Variants in COLGALT2 observed in about 807,000 individuals in gnomAD.
COLGALT2 encodes collagen beta(1-O)galactosyltransferase 2.
In COLGALT2, 49 loss-of-function variants were observed where a neutral mutation model predicts 73.4. The ratio of observed to expected loss-of-function variants is 0.67; its 90% CI spans 0.53 to 0.85. The LOEUF is 0.85. COLGALT2 is among the 40% of genes least tolerant of loss of function. COLGALT2 has a pLI of 0.00. For missense variants in COLGALT2, 722 were observed against 790.2 expected, an observed-to-expected ratio of 0.91 and a Z score of 1.03; for synonymous variants, 295 against 307.6, an observed-to-expected ratio of 0.96 and a Z score of 0.43.
In COLGALT2 at chr1:183,936,751, G is replaced by A; in HGVS notation, c.*2010C>T. On this transcript the variant is annotated 3_prime_UTR_variant, in exon 12 of 12. Transcript: ENST00000361927. Reference sequence around the variant, plus strand: ...TGCTCTTTCTGTTTTTCTGGGGGTGGGTGGGAAAGGAAGTCACACTGACAG... The same window carrying A: ...TGCTCTTTCTGTTTTTCTGGGGGTGAGTGGGAAAGGAAGTCACACTGACAG... The A allele has an allele frequency of 3.2e-6, 4 of 1,230,966 alleles. No individual in the cohort carries two copies. Among genetic ancestry groups the A allele is most frequent in the Non-Finnish European group, 3.0e-6 (3 of 987,832 alleles). The allele number at this position is 1,230,966 out of a possible 1,614,324, so 76.3% of individuals were successfully genotyped here.
At chr1:183,930,213 G>A (rs1325057633) in exon 12 of COLGALT2, 1 of 456,186 alleles carries the variant, frequency 2.2e-6, no homozygotes, top group Middle Eastern at 3.3e-4. Context: ...CCTTCTCCTA[G>A]GGTGCACGGG....
At chr1:183,941,624 A>G (rs1433133871) in intron 10 of COLGALT2, among the ~76,000 whole-genome samples, 1 of 152,208 alleles carries the variant, frequency 6.6e-6, no homozygotes, top group Non-Finnish European at 1.5e-5. Context: ...TTTTGCCCTA[A>G]AACAATCTCT....
chr1:183,976,120 T>C (rs911742096), intron 2 of COLGALT2, among the ~76,000 whole-genome samples: 3 of 152,160 alleles, frequency 2.0e-5, no homozygotes, highest in Non-Finnish European at 4.4e-5. Flanking sequence ...TAATATTTTT[T>C]CACACTGACC....
chr1:184,030,819 A>T (rs1183791480), intron 1 of COLGALT2, among the ~76,000 whole-genome samples: 1 of 152,260 alleles, frequency 6.6e-6, no homozygotes, highest in African/African-American at 2.4e-5. Context: ...GATATTCATT[A>T]TAAAATAATC....
At chr1:183,988,675 TC>T (rs1291846656) in intron 1 of COLGALT2, among the ~76,000 whole-genome samples, 1 of 152,216 alleles carries the variant, frequency 6.6e-6, no homozygotes. Context: ...GTACTTCACT[TC>T]TTTTTATGGC....
At chr1:184,032,170 A>AGCAGT (rs1649534975) in intron 1 of COLGALT2, among the ~76,000 whole-genome samples, 1 of 152,190 alleles carries the variant, frequency 6.6e-6, no homozygotes, top group Non-Finnish European at 1.5e-5. Flanking sequence ...CTAGGATTAC[A>AGCAGT]GGCATGAGCC....
At chr1:183,931,278 C>T (rs1287389486), downstream of COLGALT2, among the ~76,000 whole-genome samples, 1 of 152,122 alleles carries the variant, frequency 6.6e-6, no homozygotes, top group Admixed American at 6.6e-5. Flanking sequence ...GGCTCCATCC[C>T]CAGCCTTCCA....
intron 1 of COLGALT2, among the ~76,000 whole-genome samples, chr1:183,997,839 T>C (rs1449389459): frequency 1.3e-5 from 2 of 152,250 alleles, no homozygotes; most frequent in Non-Finnish European, 2.9e-5. Context: ...CTTTTATCTG[T>C]AGTTGATAAA....
intron 1 of COLGALT2, among the ~76,000 whole-genome samples, chr1:183,998,924 T>C (rs1248728817): frequency 6.6e-6 from 1 of 152,150 alleles, no homozygotes; most frequent in Non-Finnish European, 1.5e-5. Context: ...TATATTTTTC[T>C]ACCAATTTGT....
intron 1 of COLGALT2, among the ~76,000 whole-genome samples, chr1:184,030,901 C>G (rs114478904): frequency 6.6e-6 from 1 of 152,196 alleles, no homozygotes; most frequent in African/African-American, 2.4e-5. Flanking sequence ...CCATGGGAAT[C>G]TCTTAACTGC....
chr1:183,935,992 C>T lies in COLGALT2; in HGVS notation c.*2769G>A, dbSNP rs908379689. On this transcript the variant is annotated 3_prime_UTR_variant, in exon 12 of 12. Transcript: ENST00000361927. ...GCTCCTGCAGCAGGCCTGAATGAAC[C>T]GCAAGCGGGGCCCATGCAGCGTGTC... The T allele has an allele frequency of 6.1e-6, 6 of 980,228 alleles. No individual in the cohort carries two copies. Among genetic ancestry groups the T allele is most frequent in the Non-Finnish European group, 6.0e-6 (5 of 827,532 alleles). 60.7% of individuals were successfully genotyped at this position (980,228 alleles called of 1,614,324 possible). A position where few individuals can be genotyped will look rare whatever the true frequency, so the allele number is the denominator to read the frequency against.
At chr1:183,953,040 C>A (rs986771817) in intron 7 of COLGALT2, among the ~76,000 whole-genome samples, 3 of 152,076 alleles carry the variant, frequency 2.0e-5, no homozygotes, top group Non-Finnish European at 4.4e-5. Context: ...CAAAAAGGCC[C>A]CCAAAAACAG....
intron 1 of COLGALT2, among the ~76,000 whole-genome samples, chr1:183,992,785 G>A (rs1271266120): frequency 6.6e-6 from 1 of 152,190 alleles, no homozygotes; most frequent in Admixed American, 6.5e-5. Context: ...CTTCCAAGGT[G>A]CTCAAGCCTT....
chr1:183,981,147 G>A (rs1225856115), intron 1 of COLGALT2, among the ~76,000 whole-genome samples: 1 of 152,156 alleles, frequency 6.6e-6, no homozygotes, highest in Non-Finnish European at 1.5e-5. Flanking sequence ...TGATAAGGGT[G>A]TCGTAATATT....
chr1:183,939,765 G>C (rs762122126), intron 11 of COLGALT2, among the ~76,000 whole-genome samples: 1 of 152,126 alleles, frequency 6.6e-6, no homozygotes, highest in Non-Finnish European at 1.5e-5. Flanking sequence ...ATCTAGTGAC[G>C]AGATCACCCA....
chr1:184,035,934 C>T (rs969766507), intron 1 of COLGALT2, among the ~76,000 whole-genome samples: 2 of 152,210 alleles, frequency 1.3e-5, no homozygotes, highest in African/African-American at 4.8e-5. Context: ...GCTTTCGCAC[C>T]TTTGCACCTC....
chr1:184,010,541 T>C (rs1039571777), intron 1 of COLGALT2, among the ~76,000 whole-genome samples: 10 of 152,176 alleles, frequency 6.6e-5, no homozygotes, highest in Non-Finnish European at 1.0e-4. Context: ...AAATAATATG[T>C]TTTCTAGAAA....
rs112833465 is a variant in COLGALT2, at chr1:183,973,856, T to C, written c.493-106A>G. 1,068 of 1,024,694 alleles carry C rather than the reference T, an allele frequency of 1.0e-3. 3 individuals carry two copies. Among genetic ancestry groups the C allele is most frequent in the Middle Eastern group, 1.7e-3 (7 of 4,098 alleles). The allele number at this position is 1,024,694 out of a possible 1,614,324, so 63.5% of individuals were successfully genotyped here. A position where few individuals can be genotyped will look rare whatever the true frequency, so the allele number is the denominator to read the frequency against. On this transcript the variant is annotated intron_variant, in intron 3 of 11. Transcript: ENST00000361927. Reference sequence around the variant, plus strand: ...ATCCCAGAAACTTGCTCATGACATATGGAACCAGCTATCTATGTCCTCCTT... The same window carrying C: ...ATCCCAGAAACTTGCTCATGACATACGGAACCAGCTATCTATGTCCTCCTT...
intron 8 of COLGALT2, 70 bp from the exon 9 acceptor site, chr1:183,945,634 A>ACACC: frequency 6.3e-7 from 1 of 1,578,448 alleles, no homozygotes; most frequent in Non-Finnish European, 8.6e-7. Context: ...AGAGAAAGAG[A>ACACC]GAGTTAGTTC....
Sources: gnomAD v4.1 joint callset for allele counts (sites outside exome capture counted in the v4.1 genomes callset) on GRCh38, gnomAD v4.1.1 for gene constraint, MANE v1.5 for transcripts, NCBI Gene and HGNC (gene_info 2026-07-23, HGNC 2026-07-21) for gene names.